Variants in WARS2 observed in about 807,000 individuals in gnomAD.
WARS2 encodes the protein tryptophan--tRNA ligase, mitochondrial.
In WARS2, 28 loss-of-function variants were observed where a neutral mutation model predicts 36.5. The observed-to-expected ratio is 0.77, with a 90% CI of 0.57 to 1.05. The LOEUF (loss-of-function observed/expected upper bound fraction) is 1.05. Among genes scored for constraint, WARS2 ranks in the 50% least tolerant of loss-of-function variants. The pLI is 0.00. For synonymous variants in WARS2, 174 were observed against 178.4 expected, an observed-to-expected ratio of 0.98 and a Z score of 0.20; for missense variants, 435 against 456.8, an observed-to-expected ratio of 0.95 and a Z score of 0.44.
chr1:119,040,292 T>A (rs542866912), intron 4 of WARS2, among the ~76,000 whole-genome samples: 1 of 152,324 alleles, frequency 6.6e-6, no homozygotes, highest in African/African-American at 2.4e-5. Context: ...AGCAATGGAA[T>A]TAAAGAAGAG....
intron 1 of WARS2, among the ~76,000 whole-genome samples, chr1:119,089,562 G>A (rs777981472): frequency 1.3e-5 from 2 of 152,120 alleles, no homozygotes; most frequent in Non-Finnish European, 2.9e-5. Flanking sequence ...AGGGTGGTTC[G>A]GAGGACTGTG....
At chr1:119,136,137 T>C (rs1571414119) in intron 1 of WARS2, among the ~76,000 whole-genome samples, 1 of 152,116 alleles carries the variant, frequency 6.6e-6, no homozygotes, top group East Asian at 1.9e-4. Flanking sequence ...TGTGTGTGTG[T>C]GTGTGTGTAC....
intron 2 of WARS2, among the ~76,000 whole-genome samples, chr1:119,070,185 T>C (rs1463024229): frequency 6.6e-6 from 1 of 152,224 alleles, no homozygotes; most frequent in African/African-American, 2.4e-5. Flanking sequence ...AAGATAACAG[T>C]AATATTTAAT....
At chr1:119,108,384 T>C (rs1654389652) in intron 1 of WARS2, among the ~76,000 whole-genome samples, 2 of 152,010 alleles carry the variant, frequency 1.3e-5, no homozygotes, top group South Asian at 2.1e-4. Flanking sequence ...CCCATTCAGA[T>C]TGTCTATTTC....
chr1:119,055,972 T>C lies in WARS2; in HGVS notation c.349-10310A>G, dbSNP rs376177029. On this transcript the variant is annotated intron_variant, in intron 2 of 5. Coordinates refer to ENST00000235521, the MANE Select transcript of WARS2 (RefSeq NM_015836.4). ...GGCTGTTTCTTGGTTGCATTGTGAA[T>C]ACATGATTCAAAGATCAGATGAAAA... Among the ~76,000 whole-genome samples, 9 of 150,974 alleles carry C rather than the reference T, an allele frequency of 6.0e-5. No homozygotes were observed. The East Asian group carries it at 9.7e-4, about 16-fold the overall frequency.
intron 1 of WARS2, among the ~76,000 whole-genome samples, chr1:119,109,618 A>G (rs755883241): frequency 6.6e-6 from 1 of 151,936 alleles, no homozygotes; most frequent in Non-Finnish European, 1.5e-5. Flanking sequence ...TGTAGACAAC[A>G]TAAGTTGATT....
At chr1:119,104,532 G>GA (rs1654099638) in intron 1 of WARS2, among the ~76,000 whole-genome samples, 1 of 151,098 alleles carries the variant, frequency 6.6e-6, no homozygotes, top group African/African-American at 2.4e-5. Flanking sequence ...ATGTGGCCCT[G>GA]GTATTGTGGA....
At chr1:119,090,221 T>C (rs1400918189) in intron 1 of WARS2, among the ~76,000 whole-genome samples, 2 of 152,126 alleles carry the variant, frequency 1.3e-5, no homozygotes, top group Admixed American at 6.6e-5. Context: ...TGAAATACTA[T>C]GGAATAGATA....
intron 2 of WARS2, among the ~76,000 whole-genome samples, chr1:119,070,282 G>A (rs570755912): frequency 1.4e-4 from 22 of 151,950 alleles, no homozygotes; most frequent in Non-Finnish European, 2.8e-4. Context: ...TCTTTTTTGA[G>A]ATAAGGTGTC....
intron 3 of WARS2, among the ~76,000 whole-genome samples, chr1:119,045,073 A>G (rs996322840): frequency 6.6e-6 from 1 of 152,156 alleles, no homozygotes; most frequent in Non-Finnish European, 1.5e-5. Flanking sequence ...AAGTACTATG[A>G]ATTATCCAAT....
intron 3 of WARS2, among the ~76,000 whole-genome samples, chr1:119,042,981 T>C (rs1017537721): frequency 1.4e-4 from 21 of 152,326 alleles, no homozygotes; most frequent in African/African-American, 5.1e-4. Flanking sequence ...ACAGGTTGTA[T>C]AGACCAAAAC....
chr1:119,115,346 T>A (rs587612840), intron 1 of WARS2, among the ~76,000 whole-genome samples: 18 of 152,302 alleles, frequency 1.2e-4, no homozygotes, highest in Non-Finnish European at 1.8e-4. Flanking sequence ...AAGTTGGCAG[T>A]AACCCTTGTG....
chr1:119,109,489 T>C (rs1193255441), intron 1 of WARS2, among the ~76,000 whole-genome samples: 3 of 152,006 alleles, frequency 2.0e-5, no homozygotes, highest in East Asian at 3.8e-4. Context: ...GTCTGTTCCG[T>C]CTGAAATTAA....
intron 2 of WARS2, among the ~76,000 whole-genome samples, chr1:119,066,768 A>C (rs1650910948): frequency 6.6e-6 from 1 of 152,218 alleles, no homozygotes; most frequent in African/African-American, 2.4e-5. Context: ...AATGTTGCCG[A>C]GGAGAGTTCC....
chr1:119,043,778 A>AG (rs1467323257), intron 3 of WARS2, among the ~76,000 whole-genome samples: 1 of 152,240 alleles, frequency 6.6e-6, no homozygotes, highest in Non-Finnish European at 1.5e-5. Context: ...TGAAATTACA[A>AG]GGGAGAGGGA....
chr1:119,133,777 T>C (rs1029929220), intron 1 of WARS2, among the ~76,000 whole-genome samples: 2 of 152,234 alleles, frequency 1.3e-5, no homozygotes, highest in Non-Finnish European at 2.9e-5. Flanking sequence ...AGGATAACAG[T>C]CACTGAAGTA....
intron 2 of WARS2, among the ~76,000 whole-genome samples, chr1:119,050,924 C>G (rs1649298920): frequency 1.3e-5 from 2 of 151,960 alleles, no homozygotes; most frequent in South Asian, 4.2e-4. Context: ...TCAACTTCAT[C>G]AATAATGTTT....
At chr1:119,087,618 GA>G (rs1652765941) in intron 1 of WARS2, among the ~76,000 whole-genome samples, 1 of 152,214 alleles carries the variant, frequency 6.6e-6, no homozygotes, top group Non-Finnish European at 1.5e-5. Context: ...TTGGACACCA[GA>G]AATCTATTCA....
At chr1:119,087,643 T>C (rs1184110339) in intron 1 of WARS2, among the ~76,000 whole-genome samples, 3 of 152,198 alleles carry the variant, frequency 2.0e-5, no homozygotes, top group African/African-American at 4.8e-5. Flanking sequence ...GTGGCTTTGA[T>C]TTTGTATTAG....
Sources: gnomAD v4.1 joint callset for allele counts (sites outside exome capture counted in the v4.1 genomes callset) on GRCh38, gnomAD v4.1.1 for gene constraint, MANE v1.5 for transcripts, NCBI Gene and HGNC (gene_info 2026-07-23, HGNC 2026-07-21) for gene names.